CCDC178: variants seen among roughly 807,000 people sequenced by gnomAD.
CCDC178 encodes the protein coiled-coil domain containing 178.
CCDC178 carries 126 observed loss-of-function variants against 117.4 expected under a neutral mutation model. That is an observed-to-expected ratio of 1.07 (90% CI 0.93 to 1.24). The LOEUF is 1.24. Ranked by LOEUF, CCDC178 falls within the 50% of genes most tolerant of loss-of-function variation. The pLI is 0.00. For missense variants in CCDC178, 1,030 were observed against 986.9 expected (o/e 1.04, Z -0.59); for synonymous variants, 283 against 313.4 (o/e 0.90, Z 1.02).
chr18:33,173,493 A>G (rs1248316922), intron 20 of CCDC178, among the ~76,000 whole-genome samples: 3 of 152,246 alleles, frequency 2.0e-5, no homozygotes, highest in African/African-American at 4.8e-5. Context: ...CTGGATAAAA[A>G]GAAAAGCTGC....
At chr18:33,058,566 A>G (rs2056867754) in intron 21 of CCDC178, among the ~76,000 whole-genome samples, 1 of 152,218 alleles carries the variant, frequency 6.6e-6, no homozygotes, top group Non-Finnish European at 1.5e-5. Flanking sequence ...CCATGTAGAG[A>G]TTACACAGAA....
chr18:33,182,409 A>G (rs1462976850), intron 20 of CCDC178, among the ~76,000 whole-genome samples: 1 of 151,976 alleles, frequency 6.6e-6, no homozygotes, highest in Non-Finnish European at 1.5e-5. Flanking sequence ...TAAAAAATCA[A>G]ATTATAAGTC....
chr18:33,169,118 G>A (rs1323361914), intron 20 of CCDC178, among the ~76,000 whole-genome samples: 1 of 152,110 alleles, frequency 6.6e-6, no homozygotes, highest in Non-Finnish European at 1.5e-5. Flanking sequence ...ATCTAAAACT[G>A]CAGGTAAGTT....
At chr18:33,387,178 C>G (rs944457206) in intron 5 of CCDC178, among the ~76,000 whole-genome samples, 2 of 152,046 alleles carry the variant, frequency 1.3e-5, no homozygotes, top group African/African-American at 4.8e-5. Context: ...TCAAGGAGTA[C>G]TACAAACCAC....
chr18:33,211,344 G>A (rs1252868723), intron 20 of CCDC178, among the ~76,000 whole-genome samples: 1 of 151,736 alleles, frequency 6.6e-6, no homozygotes, highest in African/African-American at 2.4e-5. Flanking sequence ...TCATTTAACT[G>A]AATGCAAACA....
intron 3 of CCDC178, 137 bp downstream of exon 3, chr18:33,411,894 G>T: frequency 2.1e-6 from 1 of 473,996 alleles, no homozygotes; most frequent in Non-Finnish European, 3.9e-6. Context: ...CACTTTACTG[G>T]TCCCAGTAAG....
intron 2 of CCDC178, among the ~76,000 whole-genome samples, chr18:33,423,364 TG>T (rs1220868056): frequency 1.3e-5 from 2 of 152,178 alleles, no homozygotes; most frequent in African/African-American, 2.4e-5. Flanking sequence ...AATAGTATAC[TG>T]TAAAAAAATT....
chr18:33,140,733 T>C (rs956725937), intron 20 of CCDC178, among the ~76,000 whole-genome samples: 2 of 152,184 alleles, frequency 1.3e-5, no homozygotes, highest in Non-Finnish European at 2.9e-5. Context: ...TGAATTTTGA[T>C]TAATACCAAA....
intron 20 of CCDC178, among the ~76,000 whole-genome samples, chr18:33,170,710 AAATT>A (rs1197593743): frequency 6.6e-6 from 1 of 152,178 alleles, no homozygotes; most frequent in Non-Finnish European, 1.5e-5. Context: ...TATTGTTACA[AAATT>A]AATATCAATT....
rs112657424 is a variant in CCDC178, at chr18:33,057,065, A to G, written c.2388+35696T>C. 4.1e-3 allele frequency among the ~76,000 whole-genome samples: 618 copies of G among 152,170 alleles called. 2 individuals carry two copies. The highest frequency in any genetic ancestry group is 6.8e-3 in the Middle Eastern group (2 of 294). ...AACTTTACAATAACTAACTAACTAA[A>G]TAAGCAAGCAAGCAGAATAAAAGAC... On this transcript the variant is annotated intron_variant, in intron 21 of 22. Transcript: ENST00000383096.
intron 15 of CCDC178, among the ~76,000 whole-genome samples, chr18:33,240,373 T>C (rs2059473754): frequency 6.7e-6 from 1 of 150,298 alleles, no homozygotes; most frequent in Non-Finnish European, 1.5e-5. Flanking sequence ...ATAATAAAGA[T>C]GAAAGCAGAA....
Position 33,211,936 on chromosome 18 carries a change from A to C in CCDC178, c.2198T>G (p.Val733Gly). ...RIFEEDQRFRVLLAVRQKTLQ... is the reference protein window; with the variant it reads ...RIFEEDQRFRGLLAVRQKTLQ... ...AGTTTTTTGTCTTACAGCAAGGAGC[A>C]CTCTAAATCTCTGATCTTCCTCAAA... Residue 733 changes from valine (V) to glycine (G), a missense_variant, in exon 20 of 23, where the codon GTG becomes GGG. By Grantham distance (109) the Val-to-Gly change is moderately radical. Coordinates refer to ENST00000383096, the MANE Select transcript of CCDC178 (RefSeq NM_001105528.4). 1 of 1,608,428 alleles carries C rather than the reference A, an allele frequency of 6.2e-7. No homozygotes were observed.
intron 22 of CCDC178, among the ~76,000 whole-genome samples, chr18:32,953,888 G>T (rs904062842): frequency 6.6e-6 from 1 of 152,086 alleles, no homozygotes; most frequent in African/African-American, 2.4e-5. Flanking sequence ...TTTACATTCA[G>T]ACTTCTAGAG....
Position 33,235,116 on chromosome 18 carries a change from T to C in CCDC178, c.1594-8261A>G, listed in dbSNP as rs144477159. Among the ~76,000 whole-genome samples, 384 of 152,136 alleles carry C rather than the reference T, an allele frequency of 2.5e-3. 3 individuals carry two copies. The highest frequency in any genetic ancestry group is 7.2e-3 in the African/African-American group (297 of 41,534). ...AAACCTTGTCTCAGAGGTGAACAAA[T>C]AGTAGTTGAAGGGAGGTCTGAGAAC... On this transcript the variant is annotated intron_variant, in intron 15 of 22. Coordinates refer to ENST00000383096, the MANE Select transcript of CCDC178 (RefSeq NM_001105528.4).
chr18:33,190,121 C>T (rs2058840390), intron 20 of CCDC178, among the ~76,000 whole-genome samples: 1 of 152,122 alleles, frequency 6.6e-6, no homozygotes, highest in Non-Finnish European at 1.5e-5. Context: ...CATGAGCCCC[C>T]GCTTCATGGT....
intron 20 of CCDC178, among the ~76,000 whole-genome samples, chr18:33,134,775 T>C (rs1158689771): frequency 6.6e-6 from 1 of 152,114 alleles, no homozygotes; most frequent in Admixed American, 6.6e-5. Context: ...TAGTTTAATG[T>C]ACATATGAAA....
At chr18:33,141,092 A>T (rs997267371) in intron 20 of CCDC178, among the ~76,000 whole-genome samples, 1 of 152,138 alleles carries the variant, frequency 6.6e-6, no homozygotes, top group Non-Finnish European at 1.5e-5. Context: ...CATGATTGTG[A>T]GGCCTCCCCA....
At chr18:33,356,957 C>T (rs2063066127) in intron 6 of CCDC178, among the ~76,000 whole-genome samples, 1 of 151,574 alleles carries the variant, frequency 6.6e-6, no homozygotes, top group African/African-American at 2.4e-5. Flanking sequence ...CCTATTCTCT[C>T]TGAAGCCTGC....
chr18:33,344,803 G>GCACA (rs63067861), intron 9 of CCDC178, among the ~76,000 whole-genome samples: 141 of 120,874 alleles, frequency 1.2e-3, no homozygotes, highest in East Asian at 2.5e-3. Context: ...TGCCTCTAAA[G>GCACA]CACACACACA....
Sources: gnomAD v4.1 joint callset for allele counts (sites outside exome capture counted in the v4.1 genomes callset) on GRCh38, gnomAD v4.1.1 for gene constraint, MANE v1.5 for transcripts, NCBI Gene and HGNC (gene_info 2026-07-23, HGNC 2026-07-21) for gene names.